TRIM49C: variants seen among roughly 807,000 people sequenced by gnomAD.
TRIM49C encodes the protein tripartite motif containing 49C.
A neutral mutation model predicts 21.4 loss-of-function variants in TRIM49C; 6 were observed. That is an observed-to-expected ratio of 0.28 (90% CI 0.15 to 0.55). TRIM49C has a LOEUF of 0.55. Among genes scored for constraint, TRIM49C ranks in the 20% least tolerant of loss-of-function variants. The pLI is 0.94. For missense variants in TRIM49C, 161 were observed against 442.4 expected, an observed-to-expected ratio of 0.36 and a Z score of 5.71; for synonymous variants, 57 against 148.1, an observed-to-expected ratio of 0.38 and a Z score of 4.47.
the TRIM49C span, among the ~76,000 whole-genome samples, chr11:90,072,391 T>C: frequency 1.3e-5 from 2 of 148,798 alleles, 1 homozygote; most frequent in Non-Finnish European, 3.0e-5. Flanking sequence ...GAATCTGGCA[T>C]GAAAGTCAGA....
At chr11:90,065,904 C>T in the TRIM49C span, among the ~76,000 whole-genome samples, 134 of 133,482 alleles carry the variant, frequency 1.0e-3, 8 homozygotes, top group African/African-American at 3.2e-3. Flanking sequence ...TACACTGAGC[C>T]GAGATAGCAC....
At chr11:90,071,507 C>A in the TRIM49C span, among the ~76,000 whole-genome samples, 1 of 143,372 alleles carries the variant, frequency 7.0e-6, no homozygotes, top group Non-Finnish European at 1.5e-5. Flanking sequence ...AGGCATTTAT[C>A]TTTCAGTGGC....
chr11:90,073,335 C>T, the TRIM49C span: 4 of 754,952 alleles, frequency 5.3e-6, no homozygotes, highest in African/African-American at 3.8e-5. Flanking sequence ...TGGAATTACC[C>T]AGCTGGCTCC....
At chr11:90,045,440 C>CA (rs1309267351), downstream of TRIM49C, among the ~76,000 whole-genome samples, 4 of 61,098 alleles carry the variant, frequency 6.5e-5, no homozygotes, top group African/African-American at 2.7e-4. Flanking sequence ...TTTGTATCCT[C>CA]TTTTATTTCA....
chr11:90,062,117 A>C, the TRIM49C span: 2 of 363,066 alleles, frequency 5.5e-6, no homozygotes, highest in Non-Finnish European at 9.6e-6. Context: ...TCCCCTTATC[A>C]ATAAAAAAAA....
At position 90,039,973 on chromosome 11, in the gene TRIM49C, ACC is replaced by A. The variant is rs1408902286; in HGVS notation, c.859+13_859+14del. ...TCAACCAATTCCGAGGTAAGTCTCC[ACC>A]CACAGGCAGCACTCCCACTATCTAA... On this transcript the variant is annotated intron_variant, in intron 7 of 7. Transcript: ENST00000448984. The A allele has an allele frequency of 2.7e-6, 2 of 735,274 alleles. No individual in the cohort carries two copies. The highest frequency in any genetic ancestry group is 4.9e-5 in the African/African-American group (2 of 40,652). 45.5% of individuals were successfully genotyped at this position (735,274 alleles called of 1,614,324 possible).
chr11:90,044,084 T>C (rs1950787821), downstream of TRIM49C, among the ~76,000 whole-genome samples: 1 of 37,660 alleles, frequency 2.7e-5, no homozygotes, highest in Non-Finnish European at 4.5e-5. Context: ...GCTTCATCCA[T>C]GTCCCTACAA....
At chr11:90,072,111 T>G in the TRIM49C span, among the ~76,000 whole-genome samples, 3 of 141,314 alleles carry the variant, frequency 2.1e-5, no homozygotes, top group Admixed American at 8.0e-5. Context: ...CTGAATTAAT[T>G]CAGGACATTT....
downstream of TRIM49C, among the ~76,000 whole-genome samples, chr11:90,045,876 A>G (rs1364292800): frequency 8.3e-6 from 1 of 120,422 alleles, no homozygotes; most frequent in Non-Finnish European, 1.7e-5. Flanking sequence ...GCATGCTTCC[A>G]GTTTTTGCCC....
chr11:90,056,311 A>G, the TRIM49C span, among the ~76,000 whole-genome samples: 1 of 132,064 alleles, frequency 7.6e-6, no homozygotes, highest in Non-Finnish European at 1.6e-5. Flanking sequence ...TCTACTGCAT[A>G]GGAAGGTTTA....
At chr11:90,060,168 T>C in the TRIM49C span, among the ~76,000 whole-genome samples, 1 of 141,862 alleles carries the variant, frequency 7.0e-6, no homozygotes, top group Admixed American at 7.3e-5. Context: ...ATGATGTCAG[T>C]ACCTCAAAAT....
downstream of TRIM49C, among the ~76,000 whole-genome samples, chr11:90,046,006 T>C (rs1431268274): frequency 1.4e-4 from 17 of 122,132 alleles, 6 homozygotes; most frequent in Non-Finnish European, 1.8e-4. Context: ...TTGAATTTTG[T>C]CAAAGGCCTT....
intron 2 of TRIM49C, among the ~76,000 whole-genome samples, chr11:90,033,556 G>A (rs1950701672): frequency 7.7e-6 from 1 of 130,022 alleles, no homozygotes; most frequent in African/African-American, 2.7e-5. Context: ...CAGGTTTGTA[G>A]CCTATTGTAG....
At chr11:90,062,358 A>G in the TRIM49C span, among the ~76,000 whole-genome samples, 1 of 135,392 alleles carries the variant, frequency 7.4e-6, no homozygotes, top group African/African-American at 2.9e-5. Flanking sequence ...GCTCCATTCT[A>G]TATGTTTGAA....
chr11:90,041,127 A>T lies in TRIM49C; in HGVS notation c.936A>T (p.Gly312=). 6.3e-7 allele frequency: 1 copy of T among 1,596,866 alleles called. No individual in the cohort carries two copies. The highest frequency in any genetic ancestry group is 1.7e-5 in the Admixed American group (1 of 58,656). The stretch of plus-strand genomic sequence containing the variant: ...AAATTTTGAGAAGCATGTGTATTGG[A>T]TGTGACCATCAAGATGTACCCTATT... The part of the protein sequence containing the change: ...LYEILRSMCI[G]CDHQDVPYFT... The change falls in exon 8 of 8, where the codon GGA becomes GGT. Residue 312 remains glycine, a synonymous_variant. Transcript: ENST00000448984.
At chr11:90,054,615 G>A in the TRIM49C span, among the ~76,000 whole-genome samples, 1 of 131,958 alleles carries the variant, frequency 7.6e-6, no homozygotes, top group Non-Finnish European at 1.6e-5. Context: ...ACCTCAGAAA[G>A]TTCAAGATTT....
At chr11:90,042,126 T>G (rs1341981237), downstream of TRIM49C, 15 of 136,054 alleles carry the variant, frequency 1.1e-4, no homozygotes, top group African/African-American at 4.3e-4. Flanking sequence ...ATACACAATG[T>G]GATCAGAACA....
intron 6 of TRIM49C, among the ~76,000 whole-genome samples, chr11:90,039,221 T>C (rs1254149695): frequency 7.6e-6 from 1 of 131,726 alleles, no homozygotes; most frequent in African/African-American, 2.8e-5. Context: ...GCCCGGCCCC[T>C]GATTTTGTTT....
chr11:90,064,385 A>C, the TRIM49C span, among the ~76,000 whole-genome samples: 22 of 151,222 alleles, frequency 1.5e-4, no homozygotes, highest in African/African-American at 4.9e-4. Flanking sequence ...TTATCTTCTA[A>C]AATAACAACA....
Sources: gnomAD v4.1 joint callset for allele counts (sites outside exome capture counted in the v4.1 genomes callset) on GRCh38, gnomAD v4.1.1 for gene constraint, MANE v1.5 for transcripts, NCBI Gene and HGNC (gene_info 2026-07-23, HGNC 2026-07-21) for gene names.